Variants in KLRG1 observed in about 807,000 individuals in gnomAD.
The protein encoded by KLRG1 is killer cell lectin-like receptor subfamily G member 1.
A neutral mutation model predicts 21.8 loss-of-function variants in KLRG1; 16 were observed. That is an observed-to-expected ratio of 0.73 (90% CI 0.50 to 1.11). The LOEUF (loss-of-function observed/expected upper bound fraction) is 1.11. Ranked by LOEUF, KLRG1 falls within the 50% of genes most tolerant of loss-of-function variation. KLRG1 has a pLI of 0.00. For synonymous variants in KLRG1, 69 were observed against 75.9 expected (o/e 0.91, Z 0.47); for missense variants, 173 against 218.3 (o/e 0.79, Z 1.31).
the KLRG1 span, chr12:9,192,270 A>G: frequency 3.1e-6 from 5 of 1,613,118 alleles, no homozygotes; most frequent in Non-Finnish European, 4.2e-6. Flanking sequence ...AAATGAAAAA[A>G]CAGTGAAGGA....
the KLRG1 span, chr12:9,068,157 CT>C: frequency 6.2e-7 from 1 of 1,612,586 alleles, no homozygotes; most frequent in South Asian, 1.1e-5. Context: ...CTCTGACTGC[CT>C]TTTGGAGGAG....
At chr12:9,169,482 G>A in the KLRG1 span, 2 of 1,612,172 alleles carry the variant, frequency 1.2e-6, no homozygotes, top group Non-Finnish European at 1.7e-6. Context: ...AACATAGATG[G>A]CTCCATTATG....
the KLRG1 span, among the ~76,000 whole-genome samples, chr12:9,187,853 G>A: frequency 2.6e-5 from 4 of 152,160 alleles, no homozygotes; most frequent in Non-Finnish European, 4.4e-5. Context: ...TTACAGCAAC[G>A]GAAGCTTCAA....
At chr12:9,110,994 G>A in the KLRG1 span, among the ~76,000 whole-genome samples, 1 of 152,140 alleles carries the variant, frequency 6.6e-6, no homozygotes, top group South Asian at 2.1e-4. Flanking sequence ...AAACACTTAT[G>A]TAACTATAAG....
chr12:9,028,751 T>C, the KLRG1 span: 1 of 559,776 alleles, frequency 1.8e-6, no homozygotes, highest in East Asian at 4.7e-5. Context: ...CTCAGTGTCT[T>C]CTTTAATGCC....
the KLRG1 span, among the ~76,000 whole-genome samples, chr12:9,086,717 A>C: frequency 6.6e-6 from 1 of 152,236 alleles, no homozygotes; most frequent in East Asian, 1.9e-4. Context: ...CTTTCCTTTA[A>C]GATCTGGAAC....
chr12:9,027,802 C>T, the KLRG1 span: 2 of 1,244,604 alleles, frequency 1.6e-6, no homozygotes, highest in African/African-American at 1.5e-5. Context: ...ACCACAGCTG[C>T]CACCAAAGCC....
the KLRG1 span, among the ~76,000 whole-genome samples, chr12:9,137,147 G>A: frequency 6.6e-6 from 1 of 152,012 alleles, no homozygotes; most frequent in Non-Finnish European, 1.5e-5. Flanking sequence ...TCTTATATCA[G>A]TTTTACAGTT....
At position 9,010,169 on chromosome 12, in the gene KLRG1, G is replaced by C. The variant is rs142204696; in HGVS notation, c.*632G>C. 1,356 of 521,946 alleles carry C rather than the reference G, an allele frequency of 2.6e-3. 14 individuals carry two copies. Among genetic ancestry groups the C allele is most frequent in the African/African-American group, 0.024 (1,220 of 49,938 alleles). 32.3% of individuals were successfully genotyped at this position (521,946 alleles called of 1,614,324 possible). A position where few individuals can be genotyped will look rare whatever the true frequency, so the allele number is the denominator to read the frequency against. ...CCACTGTACTCCAGCCTGGGAGATA[G>C]AGCAAGACTCCATCTCTAAAAAAAA... On this transcript the variant is annotated 3_prime_UTR_variant, in exon 5 of 5. Transcript: ENST00000356986.
intron 1 of KLRG1, among the ~76,000 whole-genome samples, chr12:8,973,163 GAAA>G (rs59760555): frequency 0.014 from 1,375 of 96,962 alleles, 8 homozygotes; most frequent in African/African-American, 0.056. Flanking sequence ...CATCTCAAAA[GAAA>G]AAAAAAAAAA....
the KLRG1 span, among the ~76,000 whole-genome samples, chr12:9,021,540 A>G: frequency 4.0e-5 from 6 of 151,574 alleles, no homozygotes; most frequent in Non-Finnish European, 7.4e-5. Context: ...AGCTGGGCCT[A>G]CAGGCGCACG....
chr12:9,023,985 T>C, the KLRG1 span, among the ~76,000 whole-genome samples: 1 of 151,276 alleles, frequency 6.6e-6, no homozygotes, highest in African/African-American at 2.4e-5. Flanking sequence ...TTTTGGCACC[T>C]ATGTTGAAAA....
the KLRG1 span, chr12:9,160,460 A>G: frequency 1.2e-6 from 2 of 1,613,860 alleles, no homozygotes; most frequent in Non-Finnish European, 1.7e-6. Flanking sequence ...GAGATTTTGT[A>G]TATTTTGCAT....
chr12:9,206,185 T>C, the KLRG1 span, among the ~76,000 whole-genome samples: 1,566 of 152,142 alleles, frequency 0.01, 25 homozygotes, highest in African/African-American at 0.035. Context: ...AATAAAAATG[T>C]ATCATTTTTT....
chr12:9,007,611 T>C (rs1180966571), intron 3 of KLRG1, among the ~76,000 whole-genome samples: 2 of 152,096 alleles, frequency 1.3e-5, no homozygotes, highest in African/African-American at 4.8e-5. Flanking sequence ...TTTGTGCTGA[T>C]GCAGGGTCCA....
the KLRG1 span, chr12:9,149,612 A>G: frequency 1.2e-6 from 2 of 1,612,514 alleles, no homozygotes; most frequent in Non-Finnish European, 1.7e-6. Flanking sequence ...TCTGAAAGAT[A>G]ACGTTGGGTG....
the KLRG1 span, among the ~76,000 whole-genome samples, chr12:9,116,971 GGAGCACATAAGA>G: frequency 6.6e-6 from 1 of 151,902 alleles, no homozygotes; most frequent in Non-Finnish European, 1.5e-5. Context: ...GGATGCTCTG[GGAGCACATAAGA>G]GAGCACATAA....
At chr12:9,155,468 CTTG>C in the KLRG1 span, among the ~76,000 whole-genome samples, 1 of 150,508 alleles carries the variant, frequency 6.6e-6, no homozygotes, top group Admixed American at 6.7e-5. Context: ...ACTTTTGATT[CTTG>C]TTTTGTTTTT....
the KLRG1 span, among the ~76,000 whole-genome samples, chr12:9,114,037 G>C: frequency 1.3e-5 from 2 of 152,190 alleles, no homozygotes; most frequent in Admixed American, 6.5e-5. Context: ...CCACTCCACA[G>C]ATATGGAATC....
Sources: gnomAD v4.1 joint callset for allele counts (sites outside exome capture counted in the v4.1 genomes callset) on GRCh38, gnomAD v4.1.1 for gene constraint, MANE v1.5 for transcripts, NCBI Gene and HGNC (gene_info 2026-07-23, HGNC 2026-07-21) for gene names.